PTPRD: variants seen among roughly 807,000 people sequenced by gnomAD.
The protein encoded by PTPRD is receptor-type tyrosine-protein phosphatase delta.
PTPRD carries 34 observed loss-of-function variants against 214.5 expected under a neutral mutation model. The observed-to-expected ratio is 0.16, with a 90% CI of 0.12 to 0.21. The LOEUF (loss-of-function observed/expected upper bound fraction) is 0.21, where lower values mean the gene tolerates loss of function less well. Among genes scored for constraint, PTPRD ranks in the 10% least tolerant of loss-of-function variants. PTPRD has a pLI of 1.00. For synonymous variants in PTPRD, 1,128 were observed against 845.7 expected (o/e 1.33, Z -5.79); for missense variants, 2,545 against 2,398.7 (o/e 1.06, Z -1.27).
intron 10 of PTPRD, among the ~76,000 whole-genome samples, chr9:9,156,489 C>A (rs151104125): frequency 6.6e-6 from 1 of 151,362 alleles, no homozygotes; most frequent in Non-Finnish European, 1.5e-5. Flanking sequence ...TTAAAAAGCA[C>A]CTCAAACTTA....
chr9:10,402,078 G>A (rs1483221674), intron 2 of PTPRD, among the ~76,000 whole-genome samples: 2 of 151,362 alleles, frequency 1.3e-5, no homozygotes, highest in East Asian at 3.9e-4. Flanking sequence ...GGTTTTGAAG[G>A]GAAAAAAATC....
chr9:9,354,275 T>C (rs534177804), intron 9 of PTPRD, among the ~76,000 whole-genome samples: 3 of 151,832 alleles, frequency 2.0e-5, no homozygotes, highest in Non-Finnish European at 4.4e-5. Context: ...CAGGGACATG[T>C]ATGGGTATAT....
chr9:9,097,207 T>C (rs940577767), intron 10 of PTPRD, among the ~76,000 whole-genome samples: 2 of 152,162 alleles, frequency 1.3e-5, no homozygotes, highest in African/African-American at 4.8e-5. Context: ...TTATGTTTTC[T>C]TGATCCCTGC....
intron 41 of PTPRD, 28 bp from the exon 42 acceptor site, chr9:8,340,497 G>C: frequency 1.3e-6 from 2 of 1,534,678 alleles, no homozygotes; most frequent in Non-Finnish European, 1.8e-6. Context: ...AAAAGAATGT[G>C]TTAAAGTATT....
At chr9:9,782,222 A>G (rs545117757) in intron 5 of PTPRD, among the ~76,000 whole-genome samples, 2 of 152,288 alleles carry the variant, frequency 1.3e-5, no homozygotes, top group South Asian at 4.1e-4. Context: ...ATGCATGAAC[A>G]TGGTCAGTAT....
chr9:9,434,423 A>C (rs1327532218), intron 8 of PTPRD, among the ~76,000 whole-genome samples: 1 of 152,204 alleles, frequency 6.6e-6, no homozygotes, highest in Admixed American at 6.5e-5. Flanking sequence ...GAATAATGTT[A>C]AAATGGCTAC....
chr9:8,372,096 A>G (rs566883649), intron 39 of PTPRD, among the ~76,000 whole-genome samples: 10 of 152,192 alleles, frequency 6.6e-5, no homozygotes, highest in African/African-American at 2.2e-4. Context: ...GATCCTCTCT[A>G]ACACATAGCA....
At position 8,500,910 on chromosome 9, in the gene PTPRD, T is replaced by G; in HGVS notation, c.1972A>C (p.Lys658Gln). 1 of 1,614,168 alleles carries G rather than the reference T, an allele frequency of 6.2e-7. No individual in the cohort carries two copies. The highest frequency in any genetic ancestry group is 1.3e-5 in the African/African-American group (1 of 75,050). The stretch of plus-strand genomic sequence containing the variant: ...GGAATTCCCAAAATCTCGTGAGGCT[T>G]GTCATCTTCCCCATCCACTGCAGTG... Reference protein sequence around the residue: ...KYTAVDGEDDKPHEILGIPSD... With the variant: ...KYTAVDGEDDQPHEILGIPSD... Residue 658 changes from lysine (K) to glutamine (Q), a missense_variant, in exon 24 of 46, where the codon AAG becomes CAG. Coordinates refer to ENST00000381196, the MANE Select transcript of PTPRD (RefSeq NM_002839.4).
At chr9:9,436,803 G>T (rs954347352) in intron 8 of PTPRD, among the ~76,000 whole-genome samples, 4 of 151,738 alleles carry the variant, frequency 2.6e-5, no homozygotes, top group African/African-American at 9.7e-5. Context: ...AATCTGTACC[G>T]CAGAATTTTC....
chr9:10,035,490 G>T (rs566473349), intron 3 of PTPRD, among the ~76,000 whole-genome samples: 35 of 152,152 alleles, frequency 2.3e-4, no homozygotes, highest in African/African-American at 8.2e-4. Flanking sequence ...TGGCATCTTC[G>T]TCATGAAATC....
intron 4 of PTPRD, among the ~76,000 whole-genome samples, chr9:10,005,262 TA>T (rs2096449042): frequency 1.3e-5 from 2 of 152,042 alleles, no homozygotes; most frequent in South Asian, 4.1e-4. Context: ...AAAGAGACCT[TA>T]AAACATGCTA....
intron 3 of PTPRD, among the ~76,000 whole-genome samples, chr9:10,315,023 T>TG (rs1311570086): frequency 2.0e-5 from 3 of 151,876 alleles, no homozygotes; most frequent in Non-Finnish European, 4.4e-5. Context: ...TGAGAGGTAG[T>TG]GGATAGAAAA....
intron 9 of PTPRD, among the ~76,000 whole-genome samples, chr9:9,347,255 A>C (rs1197100780): frequency 6.6e-6 from 1 of 151,710 alleles, no homozygotes; most frequent in African/African-American, 2.4e-5. Context: ...TTATTGATGC[A>C]GTTATTTATC....
intron 9 of PTPRD, among the ~76,000 whole-genome samples, chr9:9,251,319 T>C (rs1417389913): frequency 6.6e-6 from 1 of 152,068 alleles, no homozygotes; most frequent in Non-Finnish European, 1.5e-5. Context: ...AGGATAAAGT[T>C]CAAATTCTTT....
intron 5 of PTPRD, among the ~76,000 whole-genome samples, chr9:9,905,892 G>C (rs1228770911): frequency 6.6e-6 from 1 of 151,964 alleles, no homozygotes; most frequent in Non-Finnish European, 1.5e-5. Flanking sequence ...GCCTTGACTG[G>C]AGAAGCATGT....
chr9:10,331,541 G>A (rs961424685), intron 3 of PTPRD, among the ~76,000 whole-genome samples: 1 of 151,806 alleles, frequency 6.6e-6, no homozygotes, highest in African/African-American at 2.4e-5. Flanking sequence ...GGTTCATAAA[G>A]AATTTGGTGC....
At chr9:8,632,149 CTG>C (rs956955451) in intron 14 of PTPRD, among the ~76,000 whole-genome samples, 1 of 114,324 alleles carries the variant, frequency 8.7e-6, no homozygotes, top group East Asian at 2.2e-4. Flanking sequence ...GTGTGTGTGT[CTG>C]TGTGTGTGTG....
intron 9 of PTPRD, among the ~76,000 whole-genome samples, chr9:9,235,195 T>C (rs2099965780): frequency 6.6e-6 from 1 of 152,016 alleles, no homozygotes; most frequent in Non-Finnish European, 1.5e-5. Context: ...AACCATCATA[T>C]CTTATGCAAA....
intron 3 of PTPRD, among the ~76,000 whole-genome samples, chr9:10,200,901 T>C (rs1405161001): frequency 6.6e-6 from 1 of 152,074 alleles, no homozygotes; most frequent in East Asian, 1.9e-4. Flanking sequence ...ACTTCCTTTT[T>C]AATTTTTGGT....
Sources: allele counts gnomAD v4.1 joint callset (sites outside exome capture counted in the v4.1 genomes callset), GRCh38; gene constraint gnomAD v4.1.1; transcripts MANE v1.5; gene names NCBI Gene and HGNC (gene_info 2026-07-23, HGNC 2026-07-21).